MAPK8: variants seen among roughly 807,000 people sequenced by gnomAD.
MAPK8 encodes JUN N-terminal kinase.
MAPK8 carries 13 observed loss-of-function variants against 52.9 expected under a neutral mutation model. The observed-to-expected ratio is 0.25, with a 90% CI of 0.16 to 0.39. The LOEUF is 0.39. MAPK8 is among the 10% of genes least tolerant of loss of function. MAPK8 has a pLI of 1.00. For missense variants in MAPK8, 300 were observed against 519.2 expected, an observed-to-expected ratio of 0.58 and a Z score of 4.10; for synonymous variants, 191 against 169.8, an observed-to-expected ratio of 1.12 and a Z score of -0.97.
At position 48,427,095 on chromosome 10, in the gene MAPK8, C is replaced by T. The variant is rs1276026393; in HGVS notation, c.1012C>T (p.Pro338Ser). 2.5e-6 allele frequency: 4 copies of T among 1,612,990 alleles called. No individual in the cohort carries two copies. Among genetic ancestry groups the T allele is most frequent in the East Asian group, 4.5e-5 (2 of 44,778 alleles). The change falls in exon 10 of 12, where the codon CCT becomes TCT. Residue 338 changes from proline to serine, a missense_variant. By Grantham distance (74) the Pro-to-Ser change is moderately conservative (BLOSUM62 -1). Around this residue, in one of 3 missense-constraint regions of MAPK8, gnomAD observed 119 missense variants for 154.4 expected, o/e 0.77. Transcript: ENST00000374189. Reference sequence around the variant, plus strand: ...TGTTTTTCAGCCACCACCAAAGATCCCTGACAAGCAGTTAGATGAAAGGGA... The same window carrying T: ...TGTTTTTCAGCCACCACCAAAGATCTCTGACAAGCAGTTAGATGAAAGGGA... The part of the protein sequence containing the change: ...SEAEAPPPKI[P>S]DKQLDEREHT...
At chr10:48,417,071 A>G (rs1318489601) in intron 5 of MAPK8, among the ~76,000 whole-genome samples, 4 of 152,158 alleles carry the variant, frequency 2.6e-5, no homozygotes, top group African/African-American at 9.7e-5. Flanking sequence ...TCTACCCACT[A>G]GATGCCAGTA....
intron 1 of MAPK8, among the ~76,000 whole-genome samples, chr10:48,343,474 G>T (rs188120740): frequency 1.3e-5 from 2 of 152,260 alleles, no homozygotes; most frequent in African/African-American, 4.8e-5. Flanking sequence ...TCCCATAAAA[G>T]ATAACATTCG....
intron 1 of MAPK8, among the ~76,000 whole-genome samples, chr10:48,372,269 A>G (rs1358518526): frequency 6.6e-6 from 1 of 152,106 alleles, no homozygotes; most frequent in Non-Finnish European, 1.5e-5. Context: ...ATGGGGAGAA[A>G]CCAGCGCAAA....
At chr10:48,326,142 G>T (rs1843500007) in intron 1 of MAPK8, among the ~76,000 whole-genome samples, 1 of 152,278 alleles carries the variant, frequency 6.6e-6, no homozygotes, top group South Asian at 2.1e-4. Flanking sequence ...CCTGCTTCTT[G>T]ATGGCAGAGT....
intron 1 of MAPK8, among the ~76,000 whole-genome samples, chr10:48,384,825 G>C (rs1484544160): frequency 2.0e-5 from 3 of 152,186 alleles, no homozygotes; most frequent in African/African-American, 7.2e-5. Context: ...TGTGAATCCT[G>C]CTCACAGTGC....
At chr10:48,353,355 A>G (rs1049092114) in intron 1 of MAPK8, among the ~76,000 whole-genome samples, 2 of 152,230 alleles carry the variant, frequency 1.3e-5, no homozygotes, top group African/African-American at 4.8e-5. Context: ...AAGATAGCAT[A>G]ATCAAGACAG....
intron 1 of MAPK8, among the ~76,000 whole-genome samples, chr10:48,341,975 G>C (rs1845321494): frequency 6.6e-6 from 1 of 152,262 alleles, no homozygotes; most frequent in Non-Finnish European, 1.5e-5. Context: ...ATATGCCAAG[G>C]AACTGAGGGA....
At chr10:48,325,123 G>A (rs1384481973) in intron 1 of MAPK8, among the ~76,000 whole-genome samples, 1 of 151,900 alleles carries the variant, frequency 6.6e-6, no homozygotes, top group African/African-American at 2.4e-5. Flanking sequence ...CTACAGGCAC[G>A]TGCCACCATG....
At chr10:48,328,657 C>CT (rs1564487368) in intron 1 of MAPK8, among the ~76,000 whole-genome samples, 1 of 152,120 alleles carries the variant, frequency 6.6e-6, no homozygotes, top group Non-Finnish European at 1.5e-5. Flanking sequence ...GCACTTTTGC[C>CT]TTTTTTTGGT....
At chr10:48,375,952 C>G (rs753748964) in intron 1 of MAPK8, among the ~76,000 whole-genome samples, 1 of 152,088 alleles carries the variant, frequency 6.6e-6, no homozygotes, top group African/African-American at 2.4e-5. Flanking sequence ...GCAAAAAGAA[C>G]AAAATTGGAG....
chr10:48,401,534 A>T, intron 1 of MAPK8, 78 bp from the exon 2 acceptor site: 1 of 851,968 alleles, frequency 1.2e-6, no homozygotes, highest in Non-Finnish European at 1.8e-6. Context: ...TACTATCAGT[A>T]CGTAAACAGT....
At chr10:48,358,420 T>C (rs1165276947) in intron 1 of MAPK8, among the ~76,000 whole-genome samples, 1 of 152,228 alleles carries the variant, frequency 6.6e-6, no homozygotes, top group Non-Finnish European at 1.5e-5. Context: ...GGGGTAATGA[T>C]GTTGAACATC....
chr10:48,346,814 T>C (rs1845830481), intron 1 of MAPK8, among the ~76,000 whole-genome samples: 1 of 152,196 alleles, frequency 6.6e-6, no homozygotes, highest in South Asian at 2.1e-4. Context: ...GTAAGCTGTC[T>C]TTCTCTGTCT....
At chr10:48,389,456 A>G (rs1426273015) in intron 1 of MAPK8, among the ~76,000 whole-genome samples, 2 of 152,142 alleles carry the variant, frequency 1.3e-5, no homozygotes, top group African/African-American at 4.8e-5. Context: ...CTTTGTCCAT[A>G]ACTGATTAGA....
At chr10:48,375,666 G>GTATGCA (rs1335786616) in intron 1 of MAPK8, among the ~76,000 whole-genome samples, 1 of 152,054 alleles carries the variant, frequency 6.6e-6, no homozygotes, top group Non-Finnish European at 1.5e-5. Flanking sequence ...AAATACCTAG[G>GTATGCA]TATGCACCTT....
At chr10:48,386,083 G>A (rs1448693677) in intron 1 of MAPK8, among the ~76,000 whole-genome samples, 1 of 152,064 alleles carries the variant, frequency 6.6e-6, no homozygotes, top group African/African-American at 2.4e-5. Context: ...CTTCTCATTT[G>A]CTATTCTTAA....
chr10:48,313,072 G>T (rs866948622), intron 1 of MAPK8, among the ~76,000 whole-genome samples: 1 of 152,268 alleles, frequency 6.6e-6, no homozygotes, highest in East Asian at 1.9e-4. Context: ...CACATCTACC[G>T]TGTTATCCAA....
chr10:48,431,520 T>A (rs2044260928), intron 11 of MAPK8, among the ~76,000 whole-genome samples: 1 of 152,222 alleles, frequency 6.6e-6, no homozygotes, highest in African/African-American at 2.4e-5. Flanking sequence ...AAACTTTTTG[T>A]TGGCATTGTT....
At chr10:48,411,196 CA>C (rs1160432185) in intron 5 of MAPK8, among the ~76,000 whole-genome samples, 1 of 152,148 alleles carries the variant, frequency 6.6e-6, no homozygotes, top group African/African-American at 2.4e-5. Context: ...TTGTCAAACC[CA>C]TGGTCATGAA....
Sources: allele counts gnomAD v4.1 joint callset (sites outside exome capture counted in the v4.1 genomes callset), GRCh38; gene constraint gnomAD v4.1.1; regional missense constraint gnomAD v4.1.1; transcripts MANE v1.5; gene names NCBI Gene and HGNC (gene_info 2026-07-23, HGNC 2026-07-21).